TNNC2: variants seen among roughly 807,000 people sequenced by gnomAD.
TNNC2 encodes the protein troponin C, skeletal muscle.
Under a neutral mutation model 20.0 loss-of-function variants are expected in TNNC2, and 14 were observed. The observed-to-expected ratio is 0.70, with a 90% CI of 0.46 to 1.09. The LOEUF (loss-of-function observed/expected upper bound fraction) is 1.09, where lower values mean the gene tolerates loss of function less well. Among genes scored for constraint, TNNC2 ranks in the 50% least tolerant of loss-of-function variants. The probability of loss-of-function intolerance (pLI) is 0.00; values close to 1 mark genes in which losing one functional copy is unlikely to be tolerated. For missense variants in TNNC2, 163 were observed against 223.8 expected (o/e 0.73, Z 1.73); for synonymous variants, 81 against 77.3 (o/e 1.05, Z -0.25).
rs1982914168 is a variant in TNNC2, at chr20:45,824,658, G to A, written c.56-20C>T. 2 of 1,607,376 alleles carry A rather than the reference G, an allele frequency of 1.2e-6. No homozygotes were observed. The highest frequency in any genetic ancestry group is 2.7e-5 in the African/African-American group (2 of 74,976). ...TGAACTCTGCGAGGGAGGGCAGAGG[G>A]CAGAGGTGAGGCCTGCTGGACTGTC... On this transcript the variant is annotated intron_variant, in intron 2 of 5. Coordinates refer to ENST00000372555, the MANE Select transcript of TNNC2 (RefSeq NM_003279.3).
chr20:45,833,217 C>T (rs1189778571), intron 2 of TNNC2: 1 of 152,200 alleles, frequency 6.6e-6, no homozygotes, highest in East Asian at 1.9e-4. Flanking sequence ...AAAGAAACCT[C>T]TGGCAAGCTG....
intron 3 of TNNC2, 27 bp downstream of exon 3, chr20:45,824,468 C>G (rs1281530747): frequency 6.2e-7 from 1 of 1,612,920 alleles, no homozygotes; most frequent in East Asian, 2.2e-5. Context: ...CCCCACCATC[C>G]CCTGCCTCCG....
chr20:45,824,959 A>C, intron 1 of TNNC2, 125 bp from the exon 2 acceptor site: 1 of 1,023,938 alleles, frequency 9.8e-7, no homozygotes, highest in East Asian at 2.4e-5. Flanking sequence ...ACAACTTCAA[A>C]CTTGTCACAT....
chr20:45,823,437 CAGGGCTCCAGCCACACAG>C lies in TNNC2; in HGVS notation c.452-76_452-59del. 6.6e-7 allele frequency: 1 copy of C among 1,522,602 alleles called. No individual in the cohort carries two copies. Among genetic ancestry groups the C allele is most frequent in the South Asian group, 1.2e-5 (1 of 83,294 alleles). The allele number at this position is 1,522,602 out of a possible 1,614,324, so 94.3% of individuals were successfully genotyped here. ...CCCACTGGGGACGCAGAGGCCAGGC[CAGGGCTCCAGCCACACAG>C]AGGGGATGACTTTTTGTTTTTGTTT... On this transcript the variant is annotated intron_variant, in intron 5 of 5. Coordinates refer to ENST00000372555, the MANE Select transcript of TNNC2 (RefSeq NM_003279.3). The surrounding 1 kb of genome is among the most constrained non-coding windows in gnomAD (Gnocchi z 4.6).
upstream of TNNC2, among the ~76,000 whole-genome samples, chr20:45,830,605 A>G (rs1292075389): frequency 6.6e-6 from 1 of 152,246 alleles, no homozygotes; most frequent in Non-Finnish European, 1.5e-5. Context: ...TCTATGTTCT[A>G]CAGATCATCA....
intron 1 of TNNC2, among the ~76,000 whole-genome samples, chr20:45,825,738 A>G (rs1238440356): frequency 1.3e-5 from 2 of 151,696 alleles, no homozygotes; most frequent in Non-Finnish European, 2.9e-5. Flanking sequence ...CTTCTCCCTC[A>G]GCCTCCCGAG....
Position 45,824,277 on chromosome 20 carries a change from G to A in TNNC2, c.314+15C>T, listed in dbSNP as rs1386646890. On this transcript the variant is annotated intron_variant, in intron 4 of 5. Transcript: ENST00000372555. ...CTGCTAAGCCCCTCCCTCGGCTCCCGGGCCCCCAGCGCACCTGTCGAAGAT... is the reference window on the plus strand; with the variant it reads ...CTGCTAAGCCCCTCCCTCGGCTCCCAGGCCCCCAGCGCACCTGTCGAAGAT... 2 of 1,608,648 alleles carry A rather than the reference G, an allele frequency of 1.2e-6. No homozygotes were observed. The highest frequency in any genetic ancestry group is 1.7e-6 in the Non-Finnish European group (2 of 1,179,506).
At chr20:45,827,453 A>G (rs888647888), upstream of TNNC2, 9 of 608,480 alleles carry the variant, frequency 1.5e-5, no homozygotes, top group Non-Finnish European at 2.3e-5. Context: ...CCCATTACCT[A>G]ATTTAGCCAA....
upstream of TNNC2, among the ~76,000 whole-genome samples, chr20:45,828,912 G>A (rs1983041061): frequency 6.6e-6 from 1 of 152,148 alleles, no homozygotes; most frequent in Admixed American, 6.6e-5. Flanking sequence ...GCCTCCCCCA[G>A]GCAGGCAGGG....
chr20:45,824,696 A>ACCCCCCCCCCCCCCCCCC, intron 2 of TNNC2, 58 bp from the exon 3 acceptor site: 1 of 1,385,650 alleles, frequency 7.2e-7, no homozygotes, highest in South Asian at 1.3e-5. Context: ...CCTCACACCT[A>ACCCCCCCCCCCCCCCCCC]CCCCCCCCCA....
Position 45,824,630 on chromosome 20 carries a change from C to A in TNNC2, c.64G>T (p.Ala22Ser). 1 of 1,609,544 alleles carries A rather than the reference C, an allele frequency of 6.2e-7. No homozygotes were observed. Among genetic ancestry groups the A allele is most frequent in the South Asian group, 1.1e-5 (1 of 91,070 alleles). ...TCAGCATCAAACATGTCAAAGGCAG[C>A]CTTGAACTCTGCGAGGGAGGGCAGA... is the stretch of plus-strand genomic sequence containing the variant. ...LSEEMIAEFK[A>S]AFDMFDADGG... The change falls in exon 3 of 6, where the codon GCT (alanine) becomes TCT (serine). Residue 22 changes from alanine (A) to serine (S), a missense_variant. Physicochemically the swap from Ala to Ser is moderately conservative, Grantham distance 99 (BLOSUM62 1). Coordinates refer to ENST00000372555, the MANE Select transcript of TNNC2 (RefSeq NM_003279.3).
chr20:45,830,117 G>C (rs979005891), upstream of TNNC2, among the ~76,000 whole-genome samples: 6 of 151,480 alleles, frequency 4.0e-5, no homozygotes, highest in Admixed American at 3.9e-4. Context: ...GGCAGATCAC[G>C]AGGTCAGGAG....
At chr20:45,825,715 G>T (rs1982951195) in intron 1 of TNNC2, among the ~76,000 whole-genome samples, 1 of 151,600 alleles carries the variant, frequency 6.6e-6, no homozygotes, top group African/African-American at 2.4e-5. Context: ...CCACCTCCGG[G>T]GTTCAAGCGA....
At chr20:45,825,743 C>T (rs1020038739) in intron 1 of TNNC2, among the ~76,000 whole-genome samples, 3 of 152,116 alleles carry the variant, frequency 2.0e-5, no homozygotes, top group Admixed American at 1.3e-4. Context: ...CCCTCAGCCT[C>T]CCGAGTAGCT....
At chr20:45,829,536 T>A (rs1013454556), upstream of TNNC2, among the ~76,000 whole-genome samples, 3 of 151,390 alleles carry the variant, frequency 2.0e-5, no homozygotes, top group African/African-American at 7.3e-5. Context: ...TCCCACCACT[T>A]TGGGAGGCTG....
upstream of TNNC2, among the ~76,000 whole-genome samples, chr20:45,827,696 G>C (rs186694966): frequency 6.6e-5 from 10 of 152,272 alleles, no homozygotes; most frequent in South Asian, 1.7e-3. Context: ...CAGCCTCTGC[G>C]AGTTGTGTGA....
chr20:45,826,491 G>A (rs575239495), intron 1 of TNNC2, among the ~76,000 whole-genome samples: 3 of 152,344 alleles, frequency 2.0e-5, no homozygotes, highest in Admixed American at 1.3e-4. Context: ...TTTGGATTGA[G>A]GCTGGCAGTG....
rs1982868498 is a variant in TNNC2, at chr20:45,823,644, C to A, written c.452-265G>T. Among the ~76,000 whole-genome samples, 1 of 152,084 alleles carries A rather than the reference C, an allele frequency of 6.6e-6. No individual in the cohort carries two copies. The highest frequency in any genetic ancestry group is 2.4e-5 in the African/African-American group (1 of 41,430). The stretch of plus-strand genomic sequence containing the variant: ...AACTGGGACCACAGGTGTGCCACCA[C>A]ACCTGCCTTTTTATTTTATTTTATT... On this transcript the variant is annotated intron_variant, in intron 5 of 5. Coordinates refer to ENST00000372555, the MANE Select transcript of TNNC2 (RefSeq NM_003279.3). This position sits in a 1 kb window ranked among gnomAD's most constrained non-coding sequence, Gnocchi z 4.6.
intron 2 of TNNC2, among the ~76,000 whole-genome samples, chr20:45,832,816 G>A (rs1983155290): frequency 6.6e-6 from 1 of 152,256 alleles, no homozygotes; most frequent in Non-Finnish European, 1.5e-5. Flanking sequence ...GGGAGCCACT[G>A]AGATTATCAG....
Sources: gnomAD v4.1 joint callset for allele counts (sites outside exome capture counted in the v4.1 genomes callset) on GRCh38, gnomAD v4.1.1 for gene constraint, Gnocchi (gnomAD v3.1) non-coding constraint, MANE v1.5 for transcripts, NCBI Gene and HGNC (gene_info 2026-07-23, HGNC 2026-07-21) for gene names.